IGHMBP2: variants seen among roughly 807,000 people sequenced by gnomAD.
The protein encoded by IGHMBP2 is DNA-binding protein SMUBP-2.
In IGHMBP2, 81 loss-of-function variants were observed where a neutral mutation model predicts 96.0. That is an observed-to-expected ratio of 0.84 (90% confidence interval 0.71 to 1.01). The LOEUF (loss-of-function observed/expected upper bound fraction) is 1.01. IGHMBP2 is among the 50% of genes least tolerant of loss of function. The pLI is 0.00. For missense variants in IGHMBP2, 1,227 were observed against 1,306.3 expected (o/e 0.94, Z 0.94); for synonymous variants, 557 against 548.9 (o/e 1.01, Z -0.21).
At chr11:68,921,839 A>G (rs532222583) in intron 7 of IGHMBP2, among the ~76,000 whole-genome samples, 1 of 152,228 alleles carries the variant, frequency 6.6e-6, no homozygotes, top group African/African-American at 2.4e-5. Flanking sequence ...TAGCTTTTGT[A>G]TGTCTGAAAA....
At position 68,911,497 on chromosome 11, in the gene IGHMBP2, T is replaced by C; in HGVS notation, c.605T>C (p.Phe202Ser). ...ACCTCCCAGAAAGAAGCGGTTTTAT[T>C]TGCGCTGTCTCAGAAAGAACTTGCC... The part of the protein sequence containing the change: ...LDTSQKEAVL[F>S]ALSQKELAII... The change falls in exon 5 of 15, where the codon TTT becomes TCT. Residue 202 changes from phenylalanine (F) to serine (S), a missense_variant. Physicochemically the swap from Phe to Ser is radical, Grantham distance 155. Transcript: ENST00000255078. 6.2e-7 allele frequency: 1 copy of C among 1,614,122 alleles called. No homozygotes were observed. The highest frequency in any genetic ancestry group is 8.5e-7 in the Non-Finnish European group (1 of 1,180,000).
At chr11:68,916,305 C>G (rs938739426) in intron 6 of IGHMBP2, among the ~76,000 whole-genome samples, 6 of 152,190 alleles carry the variant, frequency 3.9e-5, no homozygotes, top group Non-Finnish European at 5.9e-5. Context: ...GCTTTCCGTC[C>G]ATTCCACCTT....
intron 7 of IGHMBP2, among the ~76,000 whole-genome samples, chr11:68,924,690 G>A (rs919943320): frequency 6.6e-6 from 1 of 152,182 alleles, no homozygotes; most frequent in African/African-American, 2.4e-5. Flanking sequence ...CTAGCACAAT[G>A]GGTTATCGTC....
chr11:68,930,565 A>G (rs1273228834), intron 8 of IGHMBP2: 1 of 1,172,884 alleles, frequency 8.5e-7, no homozygotes, highest in Non-Finnish European at 1.1e-6. Context: ...GGTGGGAGAC[A>G]CATGGGGATC....
chr11:68,938,207 G>A lies in IGHMBP2; in HGVS notation c.2637G>A (p.Thr879=), dbSNP rs556654138. Residue 879 remains threonine (T), a synonymous_variant, in exon 14 of 15, where the codon ACG becomes ACA. Transcript: ENST00000255078. Reference sequence around the variant, plus strand: ...GACATCCGGCCACAGATCTGCCCACGGAGGAGGACTTTGAGGCCCTGGTTT... The same window carrying A: ...GACATCCGGCCACAGATCTGCCCACAGAGGAGGACTTTGAGGCCCTGGTTT... ...AKGHPATDLP[T]EEDFEALVSA... 5.0e-6 allele frequency: 8 copies of A among 1,613,994 alleles called. No homozygotes were observed. The highest frequency in any genetic ancestry group is 1.1e-5 in the South Asian group (1 of 91,086).
At chr11:68,930,084 C>T in intron 8 of IGHMBP2, 1 of 1,172,950 alleles carries the variant, frequency 8.5e-7, no homozygotes, top group Non-Finnish European at 1.1e-6. Context: ...GCGGGCGTGC[C>T]CTCTCTCCAG....
intron 5 of IGHMBP2, among the ~76,000 whole-genome samples, chr11:68,914,076 A>C (rs1380844594): frequency 6.6e-6 from 1 of 152,186 alleles, no homozygotes; most frequent in Non-Finnish European, 1.5e-5. Context: ...GCAAGGAGGC[A>C]CCTGTAGTGG....
At chr11:68,926,280 T>C (rs555679126) in intron 7 of IGHMBP2, 1 of 148,894 alleles carries the variant, frequency 6.7e-6, no homozygotes, top group Non-Finnish European at 1.5e-5. Context: ...TTTTTTTTTT[T>C]TTTTTTTTTT....
intron 1 of IGHMBP2, among the ~76,000 whole-genome samples, chr11:68,904,851 T>C (rs1858124264): frequency 7.3e-6 from 1 of 137,476 alleles, no homozygotes. Context: ...CAGGCTGGAG[T>C]GCAGTGGCAC....
At chr11:68,933,047 A>G in intron 8 of IGHMBP2, 2 of 560,872 alleles carry the variant, frequency 3.6e-6, no homozygotes, top group Non-Finnish European at 6.4e-6. Flanking sequence ...TCCCCATCCC[A>G]GGATCCTTAA....
intron 1 of IGHMBP2, among the ~76,000 whole-genome samples, chr11:68,904,806 T>TTC (rs1200787063): frequency 3.2e-5 from 4 of 125,190 alleles, no homozygotes; most frequent in African/African-American, 1.1e-4. Context: ...TCTTTTTCTT[T>TTC]TTTTTTTTTT....
At chr11:68,909,140 C>T (rs1858322100) in intron 4 of IGHMBP2, among the ~76,000 whole-genome samples, 1 of 127,282 alleles carries the variant, frequency 7.9e-6, no homozygotes, top group Non-Finnish European at 1.6e-5. Context: ...TGCGCCTGGC[C>T]CCATTGAGTT....
rs61450832 is a variant in IGHMBP2, at chr11:68,909,196, G to C, written c.547+565G>C. Among the ~76,000 whole-genome samples the C allele has an allele frequency of 3.7e-3, 385 of 105,240 alleles. 7 individuals are homozygous for C. The highest frequency in any genetic ancestry group is 4.8e-3 in the African/African-American group (142 of 29,696). The allele number at this position is 105,240 out of a possible 152,430, so 69.0% of individuals were successfully genotyped here. A position where few individuals can be genotyped will look rare whatever the true frequency, so the allele number is the denominator to read the frequency against. On this transcript the variant is annotated intron_variant, in intron 4 of 14. Transcript: ENST00000255078. Reference sequence around the variant, plus strand: ...TTTGGCGGGGGGGGTGGAGGGGGGGGGCGGATGGAGTCTCGCTCTGTCACC... The same window carrying C: ...TTTGGCGGGGGGGGTGGAGGGGGGGCGCGGATGGAGTCTCGCTCTGTCACC...
chr11:68,931,329 C>T (rs928937022), intron 8 of IGHMBP2, among the ~76,000 whole-genome samples: 2 of 152,102 alleles, frequency 1.3e-5, no homozygotes, highest in Admixed American at 6.5e-5. Context: ...CAAGAGCTCC[C>T]GACCCACCAC....
chr11:68,938,352 G>A lies in IGHMBP2; in HGVS notation c.2782G>A (p.Glu928Lys), dbSNP rs2275996. The A allele has an allele frequency of 5.8e-3, 9,282 of 1,607,640 alleles. 374 individuals are homozygous for A. The East Asian group carries it at 0.086, about 15-fold the overall frequency. The change falls in exon 14 of 15, where the codon GAG (glutamate) becomes AAG (lysine). Residue 928 changes from glutamate to lysine, a missense_variant and splice_region_variant. Physicochemically the swap from Glu to Lys is moderately conservative, Grantham distance 56. Around this residue, in one of 3 missense-constraint regions of IGHMBP2, gnomAD observed 703 missense variants for 770.3 expected, o/e 0.91. Transcript: ENST00000255078. ...RRYCLSHHLP[E>K]IHGCGERARA... Reference sequence around the variant, plus strand: ...CTACTGCCTCAGCCACCACCTGCCCGAGGTATGTCGGCCTCCCCTCCTGCG... The same window carrying A: ...CTACTGCCTCAGCCACCACCTGCCCAAGGTATGTCGGCCTCCCCTCCTGCG...
chr11:68,915,264 C>T (rs1398739990), intron 6 of IGHMBP2, among the ~76,000 whole-genome samples: 1 of 140,474 alleles, frequency 7.1e-6, no homozygotes, highest in Non-Finnish European at 1.5e-5. Flanking sequence ...ACTGCAACCT[C>T]TGCCTCCTGG....
At chr11:68,929,591 C>A in intron 8 of IGHMBP2, 2 of 364,518 alleles carry the variant, frequency 5.5e-6, no homozygotes, top group Non-Finnish European at 7.6e-6. Context: ...CAGAACTGGA[C>A]ACAGGGCCTG....
chr11:68,906,453 G>C (rs973524602), intron 2 of IGHMBP2: 1 of 592,184 alleles, frequency 1.7e-6, no homozygotes, highest in African/African-American at 1.9e-5. Flanking sequence ...GTCATCAAAT[G>C]TTTGAAGTGT....
intron 2 of IGHMBP2, among the ~76,000 whole-genome samples, 191 bp from the exon 3 acceptor site, chr11:68,907,954 A>G (rs1397491783): frequency 2.0e-5 from 3 of 150,796 alleles, no homozygotes; most frequent in Admixed American, 6.6e-5. Flanking sequence ...CTCCCAAAGT[A>G]CTGGGATTAC....
Sources: allele counts gnomAD v4.1 joint callset (sites outside exome capture counted in the v4.1 genomes callset), GRCh38; gene constraint gnomAD v4.1.1; regional missense constraint gnomAD v4.1.1; transcripts MANE v1.5; gene names NCBI Gene and HGNC (gene_info 2026-07-23, HGNC 2026-07-21).